The following SLC35D4 variants were observed in gnomAD, a reference collection of about 807,000 sequenced individuals.
SLC35D4 encodes the protein solute carrier family 35 member D4, also known as UDP-N-acetylglucosamine transporter SLC35D4.
At chr18:23,313,633 G>A in the SLC35D4 span, among the ~76,000 whole-genome samples, 1 of 152,202 alleles carries the variant, frequency 6.6e-6, no homozygotes, top group African/African-American at 2.4e-5. Context: ...CATTTGCTGA[G>A]CACTAGTTGT....
the SLC35D4 span, among the ~76,000 whole-genome samples, chr18:23,398,181 A>G: frequency 6.6e-6 from 1 of 152,224 alleles, no homozygotes; most frequent in Non-Finnish European, 1.5e-5. Flanking sequence ...CAGCTGCCTC[A>G]CCTATCATCT....
At chr18:23,306,808 A>C in the SLC35D4 span, among the ~76,000 whole-genome samples, 1 of 152,248 alleles carries the variant, frequency 6.6e-6, no homozygotes, top group Non-Finnish European at 1.5e-5. Flanking sequence ...GCATGATCTT[A>C]AAGTGGTCCT....
At chr18:23,424,703 C>T in the SLC35D4 span, among the ~76,000 whole-genome samples, 1 of 152,282 alleles carries the variant, frequency 6.6e-6, no homozygotes, top group African/African-American at 2.4e-5. Flanking sequence ...TCACAGAAGA[C>T]ACTTTAAAAC....
the SLC35D4 span, among the ~76,000 whole-genome samples, chr18:23,273,365 G>A: frequency 3.9e-5 from 6 of 152,302 alleles, no homozygotes; most frequent in East Asian, 1.9e-4. Context: ...ACACTGGGAC[G>A]GTGAATGAGC....
the SLC35D4 span, among the ~76,000 whole-genome samples, chr18:23,325,520 T>A: frequency 6.6e-6 from 1 of 152,084 alleles, no homozygotes; most frequent in African/African-American, 2.4e-5. Flanking sequence ...GCACACTGAG[T>A]GTCCCTAAAA....
At chr18:23,434,330 C>G in the SLC35D4 span, among the ~76,000 whole-genome samples, 1 of 152,144 alleles carries the variant, frequency 6.6e-6, no homozygotes, top group Non-Finnish European at 1.5e-5. Context: ...TTCCCAACAT[C>G]CCCAAGCCAA....
chr18:23,388,772 A>G, the SLC35D4 span, among the ~76,000 whole-genome samples: 2 of 152,198 alleles, frequency 1.3e-5, no homozygotes, highest in South Asian at 4.2e-4. Flanking sequence ...TGTTCTTATG[A>G]TAGTGGTTCT....
the SLC35D4 span, among the ~76,000 whole-genome samples, chr18:23,340,458 G>A: frequency 6.6e-6 from 1 of 151,924 alleles, no homozygotes; most frequent in East Asian, 1.9e-4. Flanking sequence ...CCTAGGCTGC[G>A]GCATTTGAGG....
At chr18:23,328,521 A>G in the SLC35D4 span, among the ~76,000 whole-genome samples, 15 of 152,362 alleles carry the variant, frequency 9.8e-5, no homozygotes, top group South Asian at 2.3e-3. Context: ...CTCCTCAAGG[A>G]GAACTACATA....
the SLC35D4 span, among the ~76,000 whole-genome samples, chr18:23,332,182 A>T: frequency 6.6e-6 from 1 of 152,002 alleles, no homozygotes; most frequent in African/African-American, 2.4e-5. Flanking sequence ...GGCGTGAGCC[A>T]CCACACTTGG....
At chr18:23,244,662 A>G in the SLC35D4 span, among the ~76,000 whole-genome samples, 1 of 152,240 alleles carries the variant, frequency 6.6e-6, no homozygotes, top group Non-Finnish European at 1.5e-5. Context: ...GGCCAAAGCA[A>G]AAGAGCCTAA....
the SLC35D4 span, among the ~76,000 whole-genome samples, chr18:23,275,268 G>C: frequency 1.3e-5 from 2 of 152,124 alleles, no homozygotes; most frequent in East Asian, 3.9e-4. Flanking sequence ...AACAGACCTT[G>C]GGCGCCTCCA....
chr18:23,274,981 G>A, the SLC35D4 span, among the ~76,000 whole-genome samples: 1 of 110,474 alleles, frequency 9.1e-6, no homozygotes, highest in Admixed American at 9.1e-5. Context: ...GCTTGTGTCT[G>A]AGTGCATGTG....
At chr18:23,257,303 T>C in the SLC35D4 span, 1 of 1,614,014 alleles carries the variant, frequency 6.2e-7, no homozygotes, top group Non-Finnish European at 8.5e-7. Context: ...GCCTTGGAAT[T>C]CGCCCTCCAC....
At chr18:23,422,333 G>A in the SLC35D4 span, among the ~76,000 whole-genome samples, 1 of 151,524 alleles carries the variant, frequency 6.6e-6, no homozygotes, top group Admixed American at 6.6e-5. Context: ...TCATTACCCC[G>A]AACCTCTCCC....
the SLC35D4 span, chr18:23,370,339 A>G: frequency 6.9e-7 from 1 of 1,452,140 alleles, no homozygotes; most frequent in South Asian, 1.2e-5. Flanking sequence ...GACACACAAA[A>G]TCCACATGGA....
the SLC35D4 span, among the ~76,000 whole-genome samples, chr18:23,355,703 A>G: frequency 3.3e-5 from 5 of 151,190 alleles, no homozygotes; most frequent in African/African-American, 1.2e-4. Flanking sequence ...GCACTGTTTG[A>G]TATCTGTGAG....
chr18:23,253,052 C>A, the SLC35D4 span: 3 of 1,610,288 alleles, frequency 1.9e-6, no homozygotes, highest in Non-Finnish European at 2.5e-6. Context: ...AGCTGACACT[C>A]AGCAAAATTA....
At chr18:23,342,061 A>C in the SLC35D4 span, among the ~76,000 whole-genome samples, 1 of 152,208 alleles carries the variant, frequency 6.6e-6, no homozygotes, top group African/African-American at 2.4e-5. Flanking sequence ...CTATTACTTT[A>C]CAGCTTTCAG....
Sources: gnomAD v4.1 joint callset for allele counts (sites outside exome capture counted in the v4.1 genomes callset) on GRCh38, gnomAD v4.1.1 for gene constraint, MANE v1.5 for transcripts, NCBI Gene and HGNC (gene_info 2026-07-23, HGNC 2026-07-21) for gene names.